FMN2: variants seen among roughly 807,000 people sequenced by gnomAD.
The protein encoded by FMN2 is formin-2.
Under a neutral mutation model 142.3 loss-of-function variants are expected in FMN2, and 51 were observed. That is an observed-to-expected ratio of 0.36 (90% CI 0.29 to 0.45). The LOEUF (loss-of-function observed/expected upper bound fraction) is 0.45. Among genes scored for constraint, FMN2 ranks in the 20% least tolerant of loss-of-function variants. The pLI, the probability that FMN2 is intolerant of heterozygous loss-of-function variation, is 1.00. For missense variants in FMN2, 1,936 were observed against 2,122.8 expected, an observed-to-expected ratio of 0.91 and a Z score of 1.73; for synonymous variants, 882 against 869.8, an observed-to-expected ratio of 1.01 and a Z score of -0.25.
rs771814202 is a variant in FMN2 at position 240,092,817 on chromosome 1, C to G, written c.708C>G (p.Pro236=). The G allele has an allele frequency of 7.0e-6, 11 of 1,576,230 alleles. No individual in the cohort carries two copies. The highest frequency in any genetic ancestry group is 6.9e-5 in the South Asian group (6 of 87,402). The change falls in exon 1 of 18, where the codon CCC becomes CCG. Residue 236 remains proline (P), a synonymous_variant. Transcript: ENST00000319653. ...LQGAEEPAAP[P]TAVSPQPGAF... is the part of the protein sequence containing the mutation. The stretch of plus-strand genomic sequence containing the variant: ...GCGCCGAGGAGCCTGCAGCGCCCCC[C>G]ACTGCCGTCTCCCCTCAGCCCGGGG...
At position 240,457,569 on chromosome 1, in the gene FMN2, G is replaced by A. The variant is rs1006315261; in HGVS notation, c.5061-14803G>A. 70 of 152,188 alleles carry A rather than the reference G, an allele frequency of 4.6e-4. 1 individual carries two copies. The highest frequency in any genetic ancestry group is 4.5e-3 in the Admixed American group (69 of 15,274). 9.4% of individuals were successfully genotyped at this position (152,188 alleles called of 1,614,324 possible). A position where few individuals can be genotyped will look rare whatever the true frequency, so the allele number is the denominator to read the frequency against. On this transcript the variant is annotated intron_variant, in intron 16 of 17. Transcript: ENST00000319653. ...CGAAGCTCCAAGGAAAAACAGAGCAGGGCAAAGAGAAGACAGCTATGGGAG... is the reference window on the plus strand; with the variant it reads ...CGAAGCTCCAAGGAAAAACAGAGCAAGGCAAAGAGAAGACAGCTATGGGAG...
intron 16 of FMN2, among the ~76,000 whole-genome samples, chr1:240,463,492 T>C (rs908372195): frequency 6.6e-6 from 1 of 152,142 alleles, no homozygotes; most frequent in Non-Finnish European, 1.5e-5. Context: ...GGATTGGATC[T>C]AAAAGTCTTC....
At chr1:240,335,273 A>C (rs1671518982) in intron 13 of FMN2, among the ~76,000 whole-genome samples, 1 of 152,210 alleles carries the variant, frequency 6.6e-6, no homozygotes, top group South Asian at 2.1e-4. Flanking sequence ...CTGTCATTAC[A>C]TGTACCCTGT....
At chr1:240,396,444 T>A (rs562031330) in intron 15 of FMN2, among the ~76,000 whole-genome samples, 1 of 121,022 alleles carries the variant, frequency 8.3e-6, no homozygotes, top group East Asian at 2.8e-4. Flanking sequence ...TGTTGCAATC[T>A]TTTTTTTTTT....
chr1:240,355,158 C>T (rs79546084), intron 13 of FMN2, among the ~76,000 whole-genome samples: 3,969 of 152,060 alleles, frequency 0.026, 81 homozygotes, highest in Middle Eastern at 0.066. Flanking sequence ...AAATTAGTGC[C>T]TTATTTGAGC....
intron 14 of FMN2, among the ~76,000 whole-genome samples, chr1:240,387,950 G>A (rs1053034898): frequency 3.3e-5 from 5 of 151,906 alleles, no homozygotes; most frequent in Non-Finnish European, 7.4e-5. Context: ...GGCCGAGGCG[G>A]GTGGATCACG....
chr1:240,259,364 C>T (rs552331521), intron 7 of FMN2, among the ~76,000 whole-genome samples: 1 of 152,178 alleles, frequency 6.6e-6, no homozygotes, highest in South Asian at 2.1e-4. Flanking sequence ...CTTGCTTTAA[C>T]ATGCAACGCT....
intron 7 of FMN2, among the ~76,000 whole-genome samples, chr1:240,293,375 T>C (rs1669856643): frequency 1.3e-5 from 2 of 152,148 alleles, no homozygotes; most frequent in Admixed American, 1.3e-4. Context: ...GATTATTAGC[T>C]AGCTGATGAA....
intron 3 of FMN2, among the ~76,000 whole-genome samples, chr1:240,179,956 G>C (rs944748435): frequency 6.6e-6 from 1 of 152,032 alleles, no homozygotes; most frequent in Non-Finnish European, 1.5e-5. Flanking sequence ...AACATTTTAT[G>C]TTGCTGGTAT....
intron 15 of FMN2, among the ~76,000 whole-genome samples, chr1:240,394,581 A>G (rs766064785): frequency 1.5e-4 from 23 of 152,234 alleles, no homozygotes; most frequent in Admixed American, 3.9e-4. Context: ...GCTAAACAAC[A>G]TATTTCCAAT....
chr1:240,328,169 A>G (rs964322383), intron 8 of FMN2, among the ~76,000 whole-genome samples: 9 of 125,184 alleles, frequency 7.2e-5, no homozygotes, highest in Non-Finnish European at 1.2e-4. Flanking sequence ...AAAAAAAAAA[A>G]AAAGAAAAAG....
In FMN2 at chr1:240,336,582, A is replaced by AAAAAAAAAAAAG. The variant is rs144682452; in HGVS notation, c.4765+2353_4765+2354insAAAAAAAAAAAG. 3.2e-3 allele frequency among the ~76,000 whole-genome samples: 322 copies of AAAAAAAAAAAAG among 101,868 alleles called. 57 individuals carry two copies. The highest frequency in any genetic ancestry group is 0.012 in the South Asian group (29 of 2,468). The allele number at this position is 101,868 out of a possible 152,430, so 66.8% of individuals were successfully genotyped here. On this transcript the variant is annotated intron_variant, in intron 13 of 17. Transcript: ENST00000319653. Reference sequence around the variant, plus strand: ...AAAAAAAAAAAAAAAAAAAAAAAAAAGGTGGTTGCAATTGTTTTCCCATTT... The same window carrying AAAAAAAAAAAAG: ...AAAAAAAAAAAAAAAAAAAAAAAAAAAAAAAAAAAAAGGGTGGTTGCAATTGTTTTCCCATTT...
At chr1:240,387,967 G>A (rs937228761) in intron 14 of FMN2, among the ~76,000 whole-genome samples, 3 of 151,920 alleles carry the variant, frequency 2.0e-5, no homozygotes, top group East Asian at 3.9e-4. Flanking sequence ...CACGAGGTCA[G>A]GAGATCGAGA....
At chr1:240,472,325 T>G in intron 16 of FMN2, 47 bp from the exon 17 acceptor site, 4 of 1,386,560 alleles carry the variant, frequency 2.9e-6, no homozygotes, top group Non-Finnish European at 3.0e-6. Flanking sequence ...TAGAATGAGG[T>G]GATCTAAGTA....
At chr1:240,123,056 G>T in intron 1 of FMN2, 123 bp from the exon 2 acceptor site, 2 of 1,035,838 alleles carry the variant, frequency 1.9e-6, no homozygotes, top group Non-Finnish European at 2.8e-6. Context: ...TCCTTTCTGC[G>T]CTGTCAGTAG....
At chr1:240,466,874 G>A (rs1287500237) in intron 16 of FMN2, among the ~76,000 whole-genome samples, 1 of 152,162 alleles carries the variant, frequency 6.6e-6, no homozygotes, top group African/African-American at 2.4e-5. Flanking sequence ...TGGGGGCTGG[G>A]GAGAAGCCTG....
chr1:240,365,391 T>G (rs1461313579), intron 14 of FMN2, among the ~76,000 whole-genome samples: 2 of 152,146 alleles, frequency 1.3e-5, no homozygotes, highest in Admixed American at 1.3e-4. Flanking sequence ...TTCTGCCTTT[T>G]GCCTTTTCAT....
At chr1:240,274,149 A>G (rs893176389) in intron 7 of FMN2, among the ~76,000 whole-genome samples, 1 of 152,040 alleles carries the variant, frequency 6.6e-6, no homozygotes, top group East Asian at 1.9e-4. Context: ...AGAAATAAAG[A>G]CAGAGAGACA....
intron 7 of FMN2, among the ~76,000 whole-genome samples, chr1:240,271,997 T>G (rs1669033715): frequency 6.6e-6 from 1 of 152,182 alleles, no homozygotes; most frequent in Non-Finnish European, 1.5e-5. Flanking sequence ...GAAGAAAGAA[T>G]GCAATACTTG....
Sources: allele counts gnomAD v4.1 joint callset (sites outside exome capture counted in the v4.1 genomes callset), GRCh38; gene constraint gnomAD v4.1.1; transcripts MANE v1.5; gene names NCBI Gene and HGNC (gene_info 2026-07-23, HGNC 2026-07-21).